PDE1C: variants seen among roughly 807,000 people sequenced by gnomAD.
PDE1C encodes the protein dual specificity calcium/calmodulin-dependent 3',5'-cyclic nucleotide phosphodiesterase 1C.
Under a neutral mutation model 93.1 loss-of-function variants are expected in PDE1C, and 62 were observed. The observed-to-expected ratio is 0.67, with a 90% CI of 0.54 to 0.82. The LOEUF (loss-of-function observed/expected upper bound fraction) is 0.82. Ranked by LOEUF, PDE1C falls within the 40% of genes least tolerant of loss-of-function variation. The pLI, the probability that PDE1C is intolerant of heterozygous loss-of-function variation, is 0.00. For synonymous variants in PDE1C, 325 were observed against 310.1 expected, an observed-to-expected ratio of 1.05 and a Z score of -0.50; for missense variants, 742 against 884.6, an observed-to-expected ratio of 0.84 and a Z score of 2.04.
At position 32,298,889 on chromosome 7, in the gene PDE1C, G is replaced by T. The variant is rs965269321; in HGVS notation, c.-154C>A. The T allele has an allele frequency of 2.7e-5, 37 of 1,371,844 alleles. No individual in the cohort carries two copies. The East Asian group carries it at 9.9e-4, about 37-fold the overall frequency. 85.0% of individuals were successfully genotyped at this position (1,371,844 alleles called of 1,614,324 possible). On this transcript the variant is annotated 5_prime_UTR_variant, in exon 1 of 19. Transcript: ENST00000396193. ...CCCCGCCGCGCGCTGGCAGCTGAGCGCCTGGAGACAACAGCGGGGACCCAA... is the reference window on the plus strand; with the variant it reads ...CCCCGCCGCGCGCTGGCAGCTGAGCTCCTGGAGACAACAGCGGGGACCCAA...
chr7:32,086,032 G>C (rs545053285), intron 3 of PDE1C, among the ~76,000 whole-genome samples: 1 of 151,618 alleles, frequency 6.6e-6, no homozygotes, highest in Admixed American at 6.6e-5. Context: ...GGAAATAAAG[G>C]GTATTCAATT....
the PDE1C span, chr7:31,642,124 G>T: frequency 7.3e-7 from 1 of 1,364,726 alleles, no homozygotes; most frequent in African/African-American, 1.4e-5. Flanking sequence ...TCCAAGTCCT[G>T]CTGGCTGCGT....
chr7:31,656,532 C>CTG, the PDE1C span: 1,478 of 821,464 alleles, frequency 1.8e-3, 4 homozygotes, highest in Admixed American at 0.024. Context: ...TTGAAAAGAA[C>CTG]TGTTAGCAAA....
chr7:32,052,197 G>T (rs1793476815), intron 1 of PDE1C: 2 of 431,078 alleles, frequency 4.6e-6, no homozygotes, highest in South Asian at 3.3e-5. Flanking sequence ...AAGTCTAGAA[G>T]CAAATGTTGA....
chr7:31,642,427 G>A, the PDE1C span, among the ~76,000 whole-genome samples: 1 of 152,162 alleles, frequency 6.6e-6, no homozygotes. Flanking sequence ...TGCACCCAAG[G>A]GGCAGAGGAT....
chr7:32,018,892 A>G (rs1468503847), intron 2 of PDE1C, among the ~76,000 whole-genome samples: 1 of 152,050 alleles, frequency 6.6e-6, no homozygotes, highest in Middle Eastern at 3.2e-3. Flanking sequence ...TTTATTTCCT[A>G]AGAATGCCCT....
At chr7:31,894,924 TAGAC>T (rs1799088356) in intron 2 of PDE1C, among the ~76,000 whole-genome samples, 1 of 152,102 alleles carries the variant, frequency 6.6e-6, no homozygotes, top group South Asian at 2.1e-4. Flanking sequence ...AAGAGATTGT[TAGAC>T]AGGGCAAGGA....
At chr7:31,713,037 A>G in the PDE1C span, among the ~76,000 whole-genome samples, 1 of 152,026 alleles carries the variant, frequency 6.6e-6, no homozygotes, top group Admixed American at 6.5e-5. Flanking sequence ...TTTCAAAACC[A>G]ATCATGTCTT....
In PDE1C at chr7:31,986,322, C is replaced by T. The variant is rs148283826; in HGVS notation, c.128+65232G>A. 8.3e-3 allele frequency among the ~76,000 whole-genome samples: 1,256 copies of T among 152,178 alleles called. 12 individuals are homozygous for T. Among genetic ancestry groups the T allele is most frequent in the African/African-American group, 0.029 (1,189 of 41,510 alleles). On this transcript the variant is annotated intron_variant, in intron 2 of 17. Coordinates refer to ENST00000396191, the MANE Select transcript of PDE1C (RefSeq NM_001191057.4). ...GCTTTCTTCTCCCTATGGCCTCTTC[C>T]GATCTTGTAAAGACACCAGTCATTG... is the stretch of plus-strand genomic sequence containing the variant.
intron 2 of PDE1C, among the ~76,000 whole-genome samples, chr7:32,042,512 C>A (rs1388843944): frequency 6.6e-6 from 1 of 152,104 alleles, no homozygotes; most frequent in African/African-American, 2.4e-5. Flanking sequence ...TGAGAAAATG[C>A]ATGTAAAGCA....
intron 3 of PDE1C, among the ~76,000 whole-genome samples, chr7:32,111,632 A>T (rs1798645855): frequency 6.6e-6 from 1 of 152,188 alleles, no homozygotes; most frequent in Non-Finnish European, 1.5e-5. Flanking sequence ...TCAGACCAGG[A>T]GACCTCTGGA....
chr7:32,415,168 T>A (rs1289884340), intron 1 of PDE1C, among the ~76,000 whole-genome samples: 1 of 152,080 alleles, frequency 6.6e-6, no homozygotes, highest in Admixed American at 6.6e-5. Context: ...TAAATAAATA[T>A]GGTTGGACAC....
chr7:32,374,183 A>AAAGAAAGAAAG (rs1562695812), intron 1 of PDE1C, among the ~76,000 whole-genome samples: 3 of 119,694 alleles, frequency 2.5e-5, no homozygotes, highest in African/African-American at 9.5e-5. Flanking sequence ...AGAAAGAAAG[A>AAAGAAAGAAAG]AAGAAAGAAA....
At chr7:32,059,561 AT>A (rs1324499975) in intron 1 of PDE1C, among the ~76,000 whole-genome samples, 3 of 152,104 alleles carry the variant, frequency 2.0e-5, no homozygotes, top group Non-Finnish European at 2.9e-5. Flanking sequence ...CAGAAATCAA[AT>A]CTGCTGCTCA....
At chr7:32,027,244 G>C (rs1332143659) in intron 2 of PDE1C, among the ~76,000 whole-genome samples, 1 of 152,014 alleles carries the variant, frequency 6.6e-6, no homozygotes, top group African/African-American at 2.4e-5. Context: ...CTGACAGTGG[G>C]GGAAGCTGCA....
the PDE1C span, among the ~76,000 whole-genome samples, chr7:31,702,892 C>T: frequency 6.6e-6 from 1 of 152,128 alleles, no homozygotes; most frequent in Admixed American, 6.6e-5. Flanking sequence ...TATTGAAGAC[C>T]TTCTAGGAGA....
At position 31,989,023 on chromosome 7, in the gene PDE1C, GAGAGAGAA is replaced by G. The variant is rs1332258993; in HGVS notation, c.128+62523_128+62530del. 7.1e-3 allele frequency among the ~76,000 whole-genome samples: 961 copies of G among 134,930 alleles called. 15 individuals carry two copies. Among genetic ancestry groups the G allele is most frequent in the African/African-American group, 0.025 (899 of 35,626 alleles). The allele number at this position is 134,930 out of a possible 152,430, so 88.5% of individuals were successfully genotyped here. On this transcript the variant is annotated intron_variant, in intron 2 of 17. Transcript: ENST00000396191. ...AAAAAAAAAAAAAAAAAAAAAGAGA[GAGAGAGAA>G]AGAGAGAAAGGAAAGAAAGAGAAAA...
chr7:32,286,828 T>C (rs1439310389), intron 1 of PDE1C, among the ~76,000 whole-genome samples: 2 of 152,212 alleles, frequency 1.3e-5, no homozygotes, highest in Non-Finnish European at 2.9e-5. Flanking sequence ...AGGTTTTCTT[T>C]CCTGAGTGCC....
Position 32,255,035 on chromosome 7 carries a change from C to T in PDE1C, c.85+43616G>A, listed in dbSNP as rs1174692895. On this transcript the variant is annotated intron_variant, in intron 1 of 18. Coordinates refer to the PDE1C transcript ENST00000396193. ...CAGCCTAAGTTAGATGAAACATGAACCTTTCCCCATTGCCAAAGTATTCCC... is the reference window on the plus strand; with the variant it reads ...CAGCCTAAGTTAGATGAAACATGAATCTTTCCCCATTGCCAAAGTATTCCC... Among the ~76,000 whole-genome samples the T allele has an allele frequency of 3.3e-5, 5 of 152,202 alleles. No individual in the cohort carries two copies. The East Asian group carries it at 7.7e-4, about 23-fold the overall frequency.
Sources: gnomAD v4.1 joint callset for allele counts (sites outside exome capture counted in the v4.1 genomes callset) on GRCh38, gnomAD v4.1.1 for gene constraint, MANE v1.5 for transcripts, NCBI Gene and HGNC (gene_info 2026-07-23, HGNC 2026-07-21) for gene names.